SULT1B1: variants seen among roughly 807,000 people sequenced by gnomAD.
The protein encoded by SULT1B1 is sulfotransferase 1B1.
Under a neutral mutation model 34.6 loss-of-function variants are expected in SULT1B1, and 28 were observed. That is an observed-to-expected ratio of 0.81 (90% CI 0.60 to 1.11). The LOEUF (loss-of-function observed/expected upper bound fraction) is 1.11. Ranked by LOEUF, SULT1B1 falls within the 50% of genes least tolerant of loss-of-function variation. The pLI is 0.00. For missense variants in SULT1B1, 374 were observed against 352.2 expected (o/e 1.06, Z -0.50); for synonymous variants, 147 against 110.2 (o/e 1.33, Z -2.09).
intron 4 of SULT1B1, among the ~76,000 whole-genome samples, chr4:69,742,730 C>T (rs1183250549): frequency 6.6e-6 from 1 of 152,240 alleles, no homozygotes; most frequent in Non-Finnish European, 1.5e-5. Flanking sequence ...TTGGCTCATG[C>T]TACCAGCCTG....
At chr4:69,728,976 C>T (rs1456347498) in intron 7 of SULT1B1, among the ~76,000 whole-genome samples, 1 of 151,900 alleles carries the variant, frequency 6.6e-6, no homozygotes, top group Non-Finnish European at 1.5e-5. Flanking sequence ...ACAGCAAGTG[C>T]TTTTTTTCTA....
chr4:69,750,096 T>G (rs1454933252), intron 3 of SULT1B1, among the ~76,000 whole-genome samples: 3 of 152,146 alleles, frequency 2.0e-5, no homozygotes, highest in Non-Finnish European at 2.9e-5. Flanking sequence ...GTACTTCACT[T>G]TCTCCATCTC....
At chr4:69,746,200 A>C (rs754454708) in intron 4 of SULT1B1, among the ~76,000 whole-genome samples, 1 of 152,130 alleles carries the variant, frequency 6.6e-6, no homozygotes, top group African/African-American at 2.4e-5. Context: ...TTGTTGTCTT[A>C]TGTAATATCT....
chr4:69,734,381 G>C, intron 4 of SULT1B1, 117 bp from the exon 5 acceptor site: 2 of 1,098,916 alleles, frequency 1.8e-6, no homozygotes, highest in Non-Finnish European at 2.5e-6. Context: ...GAAATTGTGG[G>C]CCAGGGAGGC....
intron 6 of SULT1B1, among the ~76,000 whole-genome samples, chr4:69,731,687 T>C (rs890412647): frequency 1.3e-5 from 2 of 152,208 alleles, no homozygotes; most frequent in African/African-American, 4.8e-5. Flanking sequence ...TACAAATGAT[T>C]GTATGGTAGA....
At chr4:69,727,583 A>G (rs1717887008) in intron 7 of SULT1B1, among the ~76,000 whole-genome samples, 1 of 152,176 alleles carries the variant, frequency 6.6e-6, no homozygotes, top group African/African-American at 2.4e-5. Flanking sequence ...TTTATTTCAC[A>G]AAGTAATTTT....
chr4:69,742,726 C>T (rs917664735), intron 4 of SULT1B1, among the ~76,000 whole-genome samples: 2 of 152,208 alleles, frequency 1.3e-5, no homozygotes. Context: ...GCACTTGGCT[C>T]ATGCTACCAG....
intron 1 of SULT1B1, among the ~76,000 whole-genome samples, chr4:69,757,465 T>C (rs1363518878): frequency 6.6e-6 from 1 of 152,168 alleles, no homozygotes; most frequent in Non-Finnish European, 1.5e-5. Context: ...AGCTGGAGCT[T>C]AAACTAGTTT....
intron 4 of SULT1B1, among the ~76,000 whole-genome samples, chr4:69,746,783 T>G (rs1325317404): frequency 3.3e-5 from 5 of 152,250 alleles, no homozygotes; most frequent in Admixed American, 2.6e-4. Flanking sequence ...CTTTTAGAGT[T>G]GCCAGAATTC....
chr4:69,730,809 T>G (rs41292309), intron 6 of SULT1B1, 128 bp from the exon 7 acceptor site: 1 of 762,432 alleles, frequency 1.3e-6, no homozygotes, highest in Non-Finnish European at 2.0e-6. Flanking sequence ...TTTGTTTGGG[T>G]TTTTCTCAAT....
chr4:69,759,761 A>G (rs1166457545), intron 1 of SULT1B1, among the ~76,000 whole-genome samples: 2 of 152,228 alleles, frequency 1.3e-5, no homozygotes, highest in Non-Finnish European at 2.9e-5. Flanking sequence ...TTTAAACCCT[A>G]TTGGAAAGGA....
chr4:69,756,729 C>T (rs905689242), intron 1 of SULT1B1, among the ~76,000 whole-genome samples: 3 of 152,070 alleles, frequency 2.0e-5, no homozygotes, highest in Non-Finnish European at 4.4e-5. Context: ...CCAGGTCACC[C>T]TACATATCCT....
chr4:69,726,178 G>T lies in SULT1B1; in HGVS notation c.*910C>A, dbSNP rs1422050966. 6.7e-6 allele frequency: 1 copy of T among 149,630 alleles called. No homozygotes were observed. The highest frequency in any genetic ancestry group is 1.5e-5 in the Non-Finnish European group (1 of 67,386). 9.3% of individuals were successfully genotyped at this position (149,630 alleles called of 1,614,324 possible). A position where few individuals can be genotyped will look rare whatever the true frequency, so the allele number is the denominator to read the frequency against. ...CATTGGGTCAAGAGGGCAGAGTGGAGATTCAGCCTAGAGAGTCTTCCTTGG... is the reference window on the plus strand; with the variant it reads ...CATTGGGTCAAGAGGGCAGAGTGGATATTCAGCCTAGAGAGTCTTCCTTGG... On this transcript the variant is annotated 3_prime_UTR_variant, in exon 8 of 8. Transcript: ENST00000310613.
intron 1 of SULT1B1, among the ~76,000 whole-genome samples, chr4:69,757,923 A>C (rs1356261807): frequency 6.6e-6 from 1 of 152,214 alleles, no homozygotes; most frequent in Non-Finnish European, 1.5e-5. Context: ...GATTAGACAC[A>C]ATCAAGTTTA....
chr4:69,747,587 A>C (rs146158098), intron 4 of SULT1B1, among the ~76,000 whole-genome samples: 1 of 152,258 alleles, frequency 6.6e-6, no homozygotes, highest in East Asian at 1.9e-4. Context: ...AAATATGGAG[A>C]GCCTTGGGGG....
chr4:69,737,463 A>G (rs1718362788), intron 4 of SULT1B1, among the ~76,000 whole-genome samples: 2 of 152,236 alleles, frequency 1.3e-5, no homozygotes, highest in South Asian at 2.1e-4. Flanking sequence ...CACTCACCCA[A>G]TGCATTTCTT....
At chr4:69,747,059 C>T (rs1184318267) in intron 4 of SULT1B1, among the ~76,000 whole-genome samples, 2 of 152,160 alleles carry the variant, frequency 1.3e-5, no homozygotes, top group African/African-American at 4.8e-5. Flanking sequence ...TGAGGTCAAG[C>T]ACCTGCTCTA....
intron 2 of SULT1B1, 73 bp from the exon 3 acceptor site, chr4:69,754,871 C>CA: frequency 6.6e-7 from 1 of 1,516,868 alleles, no homozygotes; most frequent in East Asian, 2.3e-5. Flanking sequence ...TTATTGGAAA[C>CA]ACTACCATCT....
At position 69,726,495 on chromosome 4, in the gene SULT1B1, C is replaced by T. The variant is rs1219443939; in HGVS notation, c.*593G>A. 2.6e-5 allele frequency: 4 copies of T among 151,900 alleles called. No homozygotes were observed. The highest frequency in any genetic ancestry group is 5.9e-5 in the Non-Finnish European group (4 of 67,960). The allele number at this position is 151,900 out of a possible 1,614,324, so 9.4% of individuals were successfully genotyped here. On this transcript the variant is annotated 3_prime_UTR_variant, in exon 8 of 8. Transcript: ENST00000310613. The stretch of plus-strand genomic sequence containing the variant: ...ATTGTAGGCGTTTGCCTTTCGGAGA[C>T]TTAGACATTAGGTATGATATAGAAA...
Sources: allele counts gnomAD v4.1 joint callset (sites outside exome capture counted in the v4.1 genomes callset), GRCh38; gene constraint gnomAD v4.1.1; transcripts MANE v1.5; gene names NCBI Gene and HGNC (gene_info 2026-07-23, HGNC 2026-07-21).